The following LZTS1 variants were observed in gnomAD, a reference collection of about 807,000 sequenced individuals.
LZTS1 encodes leucine zipper tumor suppressor 1, also known as leucine zipper putative tumor suppressor 1.
Under a neutral mutation model 45.8 loss-of-function variants are expected in LZTS1, and 31 were observed. That is an observed-to-expected ratio of 0.68 (90% CI 0.51 to 0.91). LZTS1 has a LOEUF of 0.91. Ranked by LOEUF, LZTS1 falls within the 40% of genes least tolerant of loss-of-function variation. The pLI is 0.00. For missense variants in LZTS1, 821 were observed against 788.9 expected (o/e 1.04, Z -0.49); for synonymous variants, 359 against 357.3 (o/e 1.00, Z -0.05).
intron 3 of LZTS1, among the ~76,000 whole-genome samples, chr8:20,250,656 G>A (rs1017513053): frequency 1.3e-5 from 2 of 152,164 alleles, no homozygotes; most frequent in African/African-American, 4.8e-5. Flanking sequence ...CTAGGCTGGG[G>A]TGTAGTGGCG....
At position 20,253,567 on chromosome 8, in the gene LZTS1, C is replaced by T. The variant is rs1329093034; in HGVS notation, c.364G>A (p.Val122Met). The T allele has an allele frequency of 1.4e-6, 2 of 1,465,954 alleles. No homozygotes were observed. Among genetic ancestry groups the T allele is most frequent in the South Asian group, 1.4e-5 (1 of 72,808 alleles). The allele number at this position is 1,465,954 out of a possible 1,614,324, so 90.8% of individuals were successfully genotyped here. The stretch of plus-strand genomic sequence containing the variant: ...ACAGGCTTGAAGGCTGTGGGCCTCA[C>T]TGCACCCTTCTCGGAGCCCTGTAGA... ...QLEMGSEKGA[V>M]RPTAFKPVLP... Residue 122 changes from valine to methionine, a missense_variant, in exon 3 of 4, where the codon GTG becomes ATG. By Grantham distance (21) the Val-to-Met change is conservative. Coordinates refer to ENST00000381569, the MANE Select transcript of LZTS1 (RefSeq NM_021020.5).
Position 20,250,052 on chromosome 8 carries a change from G to T in LZTS1, c.1461C>A (p.Asp487Glu). The change falls in exon 4 of 4, where the codon GAC becomes GAA. Residue 487 changes from aspartate to glutamate, a missense_variant. Physicochemically the swap from Asp to Glu is conservative, Grantham distance 45. Transcript: ENST00000381569. ...ELRAQAALARDMGPPTFPEDV... is the reference protein window; with the variant it reads ...ELRAQAALAREMGPPTFPEDV... ...CCTCGGGGAAGGTGGGCGGCCCCAT[G>T]TCGCGGGCCAGGGCGGCCTGGGCCC... The T allele has an allele frequency of 6.2e-7, 1 of 1,608,542 alleles. No individual in the cohort carries two copies. The highest frequency in any genetic ancestry group is 8.5e-7 in the Non-Finnish European group (1 of 1,179,078).
intron 1 of LZTS1, chr8:20,290,449 T>C (rs1401045998): frequency 6.6e-6 from 1 of 152,216 alleles, no homozygotes; most frequent in Non-Finnish European, 1.5e-5. Context: ...CATTAAATCA[T>C]TAAATGCCAG....
intron 1 of LZTS1, among the ~76,000 whole-genome samples, chr8:20,262,786 T>A (rs13260298): frequency 6.6e-6 from 1 of 152,000 alleles, no homozygotes; most frequent in Non-Finnish European, 1.5e-5. Context: ...TGAATGCACA[T>A]GACAGCCCCA....
rs370968181 is a variant in LZTS1, at chr8:20,249,846, C to T, written c.1667G>A (p.Arg556Gln). The change falls in exon 4 of 4, where the codon CGG (arginine) becomes CAG (glutamine). Residue 556 changes from arginine (R) to glutamine (Q), a missense_variant. Transcript: ENST00000381569. Reference protein sequence around the residue: ...LQQSYVAMYQRNQRLEKALQQ... With the variant: ...LQQSYVAMYQQNQRLEKALQQ... ...CAGGGCCTTCTCCAGGCGCTGGTTC[C>T]GCTGGTACATGGCCACGTAGCTCTG... is the stretch of plus-strand genomic sequence containing the variant. 1.9e-5 allele frequency: 31 copies of T among 1,614,084 alleles called. No individual in the cohort carries two copies. Among genetic ancestry groups the T allele is most frequent in the Middle Eastern group, 1.6e-4 (1 of 6,084 alleles).
chr8:20,298,089 T>C (rs759629938), intron 1 of LZTS1, among the ~76,000 whole-genome samples: 1 of 151,950 alleles, frequency 6.6e-6, no homozygotes, highest in South Asian at 2.1e-4. Context: ...TGAGACAAAG[T>C]CTTGCTCTGT....
intron 1 of LZTS1, among the ~76,000 whole-genome samples, chr8:20,295,156 C>T (rs527434117): frequency 6.6e-6 from 1 of 151,872 alleles, no homozygotes; most frequent in African/African-American, 2.4e-5. Flanking sequence ...CACTGCTGCC[C>T]GATGTGAGAA....
intron 1 of LZTS1, among the ~76,000 whole-genome samples, chr8:20,259,884 C>A (rs1468708668): frequency 0.029 from 4,367 of 152,084 alleles, 95 homozygotes; most frequent in South Asian, 0.058. Flanking sequence ...CTGTACTAAT[C>A]TTATTATTTT....
intron 1 of LZTS1, among the ~76,000 whole-genome samples, chr8:20,283,519 G>A (rs183033153): frequency 2.6e-4 from 39 of 152,120 alleles, no homozygotes; most frequent in East Asian, 1.2e-3. Flanking sequence ...TTTTATAGCC[G>A]CCCGAACAGA....
intron 3 of LZTS1, 47 bp downstream of exon 3, chr8:20,252,735 C>G: frequency 6.8e-7 from 1 of 1,464,318 alleles, no homozygotes; most frequent in Non-Finnish European, 9.1e-7. Context: ...GGGGTACTGG[C>G]GCCAAACCGC....
At chr8:20,294,542 G>A (rs1301048152) in intron 1 of LZTS1, among the ~76,000 whole-genome samples, 1 of 152,186 alleles carries the variant, frequency 6.6e-6, no homozygotes, top group African/African-American at 2.4e-5. Flanking sequence ...CCTGCCTGCA[G>A]TGTGGTTTGT....
At chr8:20,265,380 T>C (rs1262098879) in intron 1 of LZTS1, among the ~76,000 whole-genome samples, 1 of 152,084 alleles carries the variant, frequency 6.6e-6, no homozygotes, top group Non-Finnish European at 1.5e-5. Flanking sequence ...AGAACTTGCA[T>C]CTCAGCTAGG....
chr8:20,301,822 C>T (rs771784703), intron 1 of LZTS1, among the ~76,000 whole-genome samples: 1 of 152,098 alleles, frequency 6.6e-6, no homozygotes. Context: ...GGGGGCACCT[C>T]CTGCAGATAC....
intron 1 of LZTS1, among the ~76,000 whole-genome samples, chr8:20,281,212 G>T (rs1295728862): frequency 6.6e-6 from 1 of 152,068 alleles, no homozygotes; most frequent in Non-Finnish European, 1.5e-5. Context: ...ATCTCTAAGG[G>T]TGGAGGTGAG....
At chr8:20,273,216 C>T (rs112079914) in intron 1 of LZTS1, among the ~76,000 whole-genome samples, 5 of 152,230 alleles carry the variant, frequency 3.3e-5, no homozygotes, top group South Asian at 4.2e-4. Flanking sequence ...TATGTGATAC[C>T]GTGATTGCCT....
chr8:20,261,501 C>T (rs1179092608), intron 1 of LZTS1, among the ~76,000 whole-genome samples: 3 of 152,152 alleles, frequency 2.0e-5, no homozygotes, highest in African/African-American at 7.2e-5. Flanking sequence ...CACTTTTGAG[C>T]GGCTTCTACT....
Position 20,253,245 on chromosome 8 carries a change from G to T in LZTS1, c.686C>A (p.Ala229Asp). 1 of 1,614,070 alleles carries T rather than the reference G, an allele frequency of 6.2e-7. No individual in the cohort carries two copies. The highest frequency in any genetic ancestry group is 8.5e-7 in the Non-Finnish European group (1 of 1,180,042). ...GCTACCTCCGTCGGAGAAGGACAGA[G>T]CCTTCAGGCTCATCATGTTGCTGTC... ...LQDSNMMSLK[A>D]LSFSDGGSKL... The change falls in exon 3 of 4, where the codon GCT (alanine) becomes GAT (aspartate). Residue 229 changes from alanine to aspartate, a missense_variant. Coordinates refer to ENST00000381569, the MANE Select transcript of LZTS1 (RefSeq NM_021020.5).
intron 1 of LZTS1, among the ~76,000 whole-genome samples, chr8:20,268,652 C>T (rs1800412207): frequency 6.6e-6 from 1 of 151,484 alleles, no homozygotes; most frequent in Non-Finnish European, 1.5e-5. Flanking sequence ...AAGCTCGATA[C>T]AGATTTTCTG....
intron 1 of LZTS1, among the ~76,000 whole-genome samples, chr8:20,275,219 T>C (rs1685588980): frequency 6.6e-6 from 1 of 151,976 alleles, no homozygotes; most frequent in Non-Finnish European, 1.5e-5. Context: ...CTGGCCAACA[T>C]GGTGAAACCC....
Sources: allele counts gnomAD v4.1 joint callset (sites outside exome capture counted in the v4.1 genomes callset), GRCh38; gene constraint gnomAD v4.1.1; transcripts MANE v1.5; gene names NCBI Gene and HGNC (gene_info 2026-07-23, HGNC 2026-07-21).